Variants in ZFP3 observed in about 807,000 individuals in gnomAD.
ZFP3 encodes ZFP3 zinc finger protein.
In ZFP3, 18 loss-of-function variants were observed where a neutral mutation model predicts 36.7. The observed-to-expected ratio is 0.49, with a 90% CI of 0.34 to 0.73. The LOEUF is 0.73. Among genes scored for constraint, ZFP3 ranks in the 30% least tolerant of loss-of-function variants. The pLI is 0.01. For synonymous variants in ZFP3, 218 were observed against 199.0 expected (o/e 1.10, Z -0.81); for missense variants, 495 against 599.0 (o/e 0.83, Z 1.81).
chr17:5,083,376 G>A (rs922447598), intron 1 of ZFP3, among the ~76,000 whole-genome samples: 2 of 152,036 alleles, frequency 1.3e-5, no homozygotes, highest in African/African-American at 2.4e-5. Context: ...TAACCAACAC[G>A]GAGAAACCCC....
chr17:5,081,509 T>TG (rs2072093248), intron 1 of ZFP3, among the ~76,000 whole-genome samples: 1 of 152,244 alleles, frequency 6.6e-6, no homozygotes, highest in Non-Finnish European at 1.5e-5. Flanking sequence ...TCCTTGCCTA[T>TG]GAGTGATCTG....
At position 5,094,117 on chromosome 17, in the gene ZFP3, T is replaced by C. The variant is rs2072166512; in HGVS notation, c.*1104T>C. 6.0e-6 allele frequency: 1 copy of C among 167,170 alleles called. No homozygotes were observed. Among genetic ancestry groups the C allele is most frequent in the African/African-American group, 2.4e-5 (1 of 41,484 alleles). The allele number at this position is 167,170 out of a possible 1,614,324, so 10.4% of individuals were successfully genotyped here. ...CAGGGTCTGGCCTTGCCAAAGCACT[T>C]AAGTTCTCATGACCTGGACCGCACT... On this transcript the variant is annotated 3_prime_UTR_variant, in exon 2 of 2. Transcript: ENST00000318833.
At position 5,091,707 on chromosome 17, in the gene ZFP3, A is replaced by G. The variant is rs771453312; in HGVS notation, c.203A>G (p.Asp68Gly). The G allele has an allele frequency of 4.3e-6, 7 of 1,614,212 alleles. No individual in the cohort carries two copies. In the South Asian group the frequency reaches 6.6e-5, roughly 15 times the overall value. ...VIEQMSPQER[D>G]FPSGLMIFKK... is the part of the protein sequence containing the mutation. Reference sequence around the variant, plus strand: ...GAGCAGATGTCTCCTCAGGAGAGAGACTTTCCATCAGGGTTGATGATCTTT... The same window carrying G: ...GAGCAGATGTCTCCTCAGGAGAGAGGCTTTCCATCAGGGTTGATGATCTTT... Residue 68 changes from aspartate to glycine, a missense_variant, in exon 2 of 2, where the codon GAC becomes GGC. Physicochemically the swap from Asp to Gly is moderately conservative, Grantham distance 94. This residue lies in a region of ZFP3 where 229 missense variants were observed against 233.8 expected (regional missense o/e 0.98). Coordinates refer to ENST00000318833, the MANE Select transcript of ZFP3 (RefSeq NM_153018.3).
intron 1 of ZFP3, among the ~76,000 whole-genome samples, chr17:5,088,877 G>T (rs79397102): frequency 0.15 from 23,477 of 152,128 alleles, 2,525 homozygotes; most frequent in South Asian, 0.49. Flanking sequence ...ATGTCTAAAG[G>T]ATGAAGTTCC....
rs2072076665 is a variant in ZFP3 at position 5,078,545 on chromosome 17, G to A, written c.-39G>A. 6.6e-6 allele frequency: 1 copy of A among 152,382 alleles called. No individual in the cohort carries two copies. Among genetic ancestry groups the A allele is most frequent in the African/African-American group, 2.4e-5 (1 of 41,464 alleles). The allele number at this position is 152,382 out of a possible 1,614,324, so 9.4% of individuals were successfully genotyped here. On this transcript the variant is annotated 5_prime_UTR_variant, in exon 1 of 2. It adds an upstream start codon to the 5' untranslated region. Transcript: ENST00000318833. The surrounding 1 kb of genome is among the most constrained non-coding windows in gnomAD (Gnocchi z 4.5). The stretch of plus-strand genomic sequence containing the variant: ...CCCAGCAGCGCGGAGCCTCAGCGGA[G>A]TGAGCGAGCGCGGGGCAGTAGCGGC...
At chr17:5,082,219 C>T (rs1440274517) in intron 1 of ZFP3, among the ~76,000 whole-genome samples, 6 of 151,570 alleles carry the variant, frequency 4.0e-5, no homozygotes, top group East Asian at 4.0e-4. Flanking sequence ...TGGTGGTGGG[C>T]GTGTGTAATC....
At chr17:5,079,935 A>T (rs1309591837) in intron 1 of ZFP3, among the ~76,000 whole-genome samples, 2 of 152,024 alleles carry the variant, frequency 1.3e-5, no homozygotes. Flanking sequence ...GCTGCTTGGG[A>T]GGCTGAGGTG....
chr17:5,079,153 A>T (rs908832989), intron 1 of ZFP3, among the ~76,000 whole-genome samples: 1 of 152,228 alleles, frequency 6.6e-6, no homozygotes, highest in Non-Finnish European at 1.5e-5. Context: ...ACAGTTATCG[A>T]CACCAGCTAT....
At chr17:5,085,499 G>T (rs2072116323) in intron 1 of ZFP3, among the ~76,000 whole-genome samples, 1 of 152,032 alleles carries the variant, frequency 6.6e-6, no homozygotes, top group African/African-American at 2.4e-5. Context: ...CTCCTGAGTA[G>T]CTGGGACTAC....
At position 5,092,265 on chromosome 17, in the gene ZFP3, A is replaced by C. The variant is rs761407563; in HGVS notation, c.761A>C (p.Glu254Ala). The change falls in exon 2 of 2, where the codon GAA (glutamate) becomes GCA (alanine). Residue 254 changes from glutamate to alanine, a missense_variant. By Grantham distance (107) the Glu-to-Ala change is moderately radical. Transcript: ENST00000318833. The surrounding 1 kb of genome is among the most constrained non-coding windows in gnomAD (Gnocchi z 5.0). Reference sequence around the variant, plus strand: ...ATCCATACTGGAGAGAAACCATATGAATGTAATGAATGTGGGAAGACCTTT... The same window carrying C: ...ATCCATACTGGAGAGAAACCATATGCATGTAATGAATGTGGGAAGACCTTT... Reference protein sequence around the residue: ...QRIHTGEKPYECNECGKTFRV... With the variant: ...QRIHTGEKPYACNECGKTFRV... 1.2e-6 allele frequency: 2 copies of C among 1,614,166 alleles called. No individual in the cohort carries two copies. Among genetic ancestry groups the C allele is most frequent in the East Asian group, 2.2e-5 (1 of 44,874 alleles).
chr17:5,087,796 TC>T (rs1157645138), intron 1 of ZFP3, among the ~76,000 whole-genome samples: 2 of 152,066 alleles, frequency 1.3e-5, no homozygotes, highest in African/African-American at 2.4e-5. Flanking sequence ...CTGACCCCTT[TC>T]TCCTGCCCTG....
chr17:5,081,093 CTT>C (rs71367880), intron 1 of ZFP3, among the ~76,000 whole-genome samples: 1 of 141,626 alleles, frequency 7.1e-6, no homozygotes, highest in African/African-American at 2.6e-5. Context: ...TGTTTCTGTT[CTT>C]TTTTTTTTTT....
At chr17:5,079,410 G>C (rs1402810950) in intron 1 of ZFP3, among the ~76,000 whole-genome samples, 1 of 152,156 alleles carries the variant, frequency 6.6e-6, no homozygotes, top group Non-Finnish European at 1.5e-5. Context: ...CATGCTTGTA[G>C]TCCCAGCTAC....
In ZFP3 at chr17:5,079,181, A is replaced by G. The variant is rs137933475; in HGVS notation, c.-9+606A>G. Among the ~76,000 whole-genome samples the G allele has an allele frequency of 4.7e-4, 71 of 152,356 alleles. No individual in the cohort carries two copies. The East Asian group carries it at 0.01, about 22-fold the overall frequency. On this transcript the variant is annotated intron_variant, in intron 1 of 1. Transcript: ENST00000318833. ...CCAGCTATGTGTCAGACACTATCCT[A>G]GGCTCTTTAGATATAATGATGAATG...
At chr17:5,087,825 C>T (rs2072129225) in intron 1 of ZFP3, among the ~76,000 whole-genome samples, 1 of 152,190 alleles carries the variant, frequency 6.6e-6, no homozygotes, top group Admixed American at 6.5e-5. Flanking sequence ...GTCCCTGCTT[C>T]CAGACCCCTG....
At chr17:5,083,280 G>A (rs1490212243) in intron 1 of ZFP3, among the ~76,000 whole-genome samples, 9 of 152,220 alleles carry the variant, frequency 5.9e-5, no homozygotes, top group African/African-American at 1.7e-4. Flanking sequence ...TTTGTAGGCC[G>A]GGCGCAGTGG....
In ZFP3 at chr17:5,092,838, G is replaced by C; in HGVS notation, c.1334G>C (p.Gly445Ala). The C allele has an allele frequency of 6.2e-7, 1 of 1,614,166 alleles. No homozygotes were observed. Among genetic ancestry groups the C allele is most frequent in the Non-Finnish European group, 8.5e-7 (1 of 1,180,030 alleles). Residue 445 changes from glycine (G) to alanine (A), a missense_variant, in exon 2 of 2, where the codon GGA becomes GCA. Gly to Ala is a moderately conservative substitution (Grantham distance 60). Around this residue, in one of 3 missense-constraint regions of ZFP3, gnomAD observed 163 missense variants for 178.4 expected, o/e 0.91. Coordinates refer to ENST00000318833, the MANE Select transcript of ZFP3 (RefSeq NM_153018.3). The surrounding 1 kb of genome is among the most constrained non-coding windows in gnomAD (Gnocchi z 5.0). The stretch of plus-strand genomic sequence containing the variant: ...CTTCTCCACCAGAAAATTCATATTG[G>C]AGAGAAACCTTATGAATGTAGCGAG... ...ELLLHQKIHI[G>A]EKPYECSECE...
At chr17:5,091,449 A>T in intron 1 of ZFP3, 48 bp from the exon 2 acceptor site, 1 of 1,555,274 alleles carries the variant, frequency 6.4e-7, no homozygotes, top group Non-Finnish European at 8.7e-7. Flanking sequence ...TGTTAGCTTC[A>T]TTTAAATATG....
At chr17:5,079,034 T>C (rs1254066028) in intron 1 of ZFP3, among the ~76,000 whole-genome samples, 1 of 152,106 alleles carries the variant, frequency 6.6e-6, no homozygotes, top group African/African-American at 2.4e-5. Context: ...AGGTTTGAGC[T>C]GCAAAGATAG....
Sources: gnomAD v4.1 joint callset for allele counts (sites outside exome capture counted in the v4.1 genomes callset) on GRCh38, gnomAD v4.1.1 for gene constraint, gnomAD v4.1.1 regional missense constraint, Gnocchi (gnomAD v3.1) non-coding constraint, MANE v1.5 for transcripts, NCBI Gene and HGNC (gene_info 2026-07-23, HGNC 2026-07-21) for gene names.